Variants in SEMA3A observed in about 807,000 individuals in gnomAD.
The protein encoded by SEMA3A is semaphorin 3A.
SEMA3A carries 29 observed loss-of-function variants against 97.9 expected under a neutral mutation model. That is an observed-to-expected ratio of 0.30 (90% CI 0.22 to 0.40). SEMA3A has a LOEUF of 0.40. SEMA3A is among the 10% of genes least tolerant of loss of function. SEMA3A has a pLI of 1.00. For missense variants in SEMA3A, 763 were observed against 951.3 expected (o/e 0.80, Z 2.60); for synonymous variants, 321 against 323.7 (o/e 0.99, Z 0.09).
chr7:84,438,164 T>A (rs1354284578), intron 1 of SEMA3A, among the ~76,000 whole-genome samples: 2 of 152,084 alleles, frequency 1.3e-5, no homozygotes, highest in African/African-American at 4.8e-5. Flanking sequence ...TCAACAATGA[T>A]GTATTTGCTG....
At chr7:84,437,814 T>A (rs968708007) in intron 1 of SEMA3A, among the ~76,000 whole-genome samples, 1 of 152,042 alleles carries the variant, frequency 6.6e-6, no homozygotes, top group Non-Finnish European at 1.5e-5. Flanking sequence ...TTTGCCATAA[T>A]CAGTAGTATA....
chr7:84,397,672 G>C (rs986057704), intron 1 of SEMA3A, among the ~76,000 whole-genome samples: 1 of 151,762 alleles, frequency 6.6e-6, no homozygotes, highest in Admixed American at 6.6e-5. Context: ...TGTGAATTTT[G>C]CCAACGTAAT....
At chr7:84,171,041 A>G (rs2116203151) in intron 1 of SEMA3A, among the ~76,000 whole-genome samples, 2 of 152,210 alleles carry the variant, frequency 1.3e-5, no homozygotes, top group African/African-American at 4.8e-5. Context: ...CAGAGAGAAA[A>G]GAAGGAAAGA....
intron 2 of SEMA3A, among the ~76,000 whole-genome samples, chr7:84,313,283 G>T (rs1801391665): frequency 7.3e-6 from 1 of 137,896 alleles, no homozygotes; most frequent in African/African-American, 2.7e-5. Flanking sequence ...CTCATGAGAG[G>T]CTGGGAAGAT....
intron 3 of SEMA3A, among the ~76,000 whole-genome samples, chr7:84,125,118 T>C (rs1420180277): frequency 6.6e-6 from 1 of 152,164 alleles, no homozygotes; most frequent in Non-Finnish European, 1.5e-5. Context: ...AAATCTTGAA[T>C]TGATTTAATG....
At chr7:84,410,161 T>C (rs184102802) in intron 1 of SEMA3A, among the ~76,000 whole-genome samples, 2 of 152,252 alleles carry the variant, frequency 1.3e-5, no homozygotes, top group East Asian at 1.9e-4. Flanking sequence ...TTTCATCTTA[T>C]GTTATGTAAC....
intron 1 of SEMA3A, among the ~76,000 whole-genome samples, chr7:84,372,893 A>G (rs921243402): frequency 6.6e-6 from 1 of 152,156 alleles, no homozygotes; most frequent in African/African-American, 2.4e-5. Context: ...TCAAAGGGGA[A>G]CAGCATATTT....
intron 1 of SEMA3A, among the ~76,000 whole-genome samples, chr7:84,193,158 G>A (rs1798103540): frequency 6.6e-6 from 1 of 151,830 alleles, no homozygotes; most frequent in Non-Finnish European, 1.5e-5. Context: ...AAAGTAAATA[G>A]ATATTCTAAT....
rs565335500 is a variant in SEMA3A at position 84,090,788 on chromosome 7, C to T, written c.453+19682G>A. Among the ~76,000 whole-genome samples the T allele has an allele frequency of 1.9e-3, 286 of 151,794 alleles. 2 individuals carry two copies. The Middle Eastern group carries it at 0.037, about 20-fold the overall frequency. On this transcript the variant is annotated intron_variant, in intron 4 of 16. Coordinates refer to ENST00000265362, the MANE Select transcript of SEMA3A (RefSeq NM_006080.3). Reference sequence around the variant, plus strand: ...ACTGTAGAAAATTGTGTAGGTTGGCCGGGCGTGGTGGCTCACGCCTGTAAT... The same window carrying T: ...ACTGTAGAAAATTGTGTAGGTTGGCTGGGCGTGGTGGCTCACGCCTGTAAT...
chr7:83,966,336 A>T (rs539150753), intron 15 of SEMA3A, among the ~76,000 whole-genome samples: 174 of 152,260 alleles, frequency 1.1e-3, no homozygotes, highest in African/African-American at 4.0e-3. Flanking sequence ...TTTTAGTTTA[A>T]TATACTAATA....
chr7:83,972,785 T>C (rs1399371786), intron 15 of SEMA3A, among the ~76,000 whole-genome samples: 3 of 152,172 alleles, frequency 2.0e-5, no homozygotes, highest in African/African-American at 2.4e-5. Context: ...CAATGGAGAA[T>C]AATGATACGC....
chr7:84,056,567 T>G (rs1188708567), intron 5 of SEMA3A, among the ~76,000 whole-genome samples: 1 of 149,918 alleles, frequency 6.7e-6, no homozygotes, highest in Non-Finnish European at 1.5e-5. Flanking sequence ...CCAAAGAAAT[T>G]AGAAACAGAA....
chr7:84,055,156 T>C (rs1049533969), intron 5 of SEMA3A, among the ~76,000 whole-genome samples: 1 of 152,084 alleles, frequency 6.6e-6, no homozygotes, highest in African/African-American at 2.4e-5. Context: ...GCTGTCTTTT[T>C]GTTTGTCTGT....
intron 3 of SEMA3A, among the ~76,000 whole-genome samples, chr7:84,120,182 G>C (rs759890433): frequency 1.8e-4 from 27 of 151,520 alleles, no homozygotes; most frequent in Non-Finnish European, 2.5e-4. Flanking sequence ...ATCTGTATGA[G>C]ACTTGGTTCA....
chr7:84,348,206 C>A (rs1802350221), intron 2 of SEMA3A, among the ~76,000 whole-genome samples: 1 of 151,916 alleles, frequency 6.6e-6, no homozygotes, highest in Admixed American at 6.6e-5. Context: ...ACTCCTAATA[C>A]CTTAATATTA....
chr7:84,008,625 A>G (rs1362659850), intron 9 of SEMA3A, among the ~76,000 whole-genome samples: 1 of 142,484 alleles, frequency 7.0e-6, no homozygotes, highest in Admixed American at 6.8e-5. Flanking sequence ...TATCTTTTAA[A>G]CAAACTTCCC....
At position 83,960,824 on chromosome 7, in the gene SEMA3A, G is replaced by GTTT. The variant is rs35685378; in HGVS notation, c.*544_*546dup. 6 of 143,228 alleles carry GTTT rather than the reference G, an allele frequency of 4.2e-5. No homozygotes were observed. Among genetic ancestry groups the GTTT allele is most frequent in the South Asian group, 2.2e-4 (1 of 4,554 alleles). The allele number at this position is 143,228 out of a possible 1,614,324, so 8.9% of individuals were successfully genotyped here. A position where few individuals can be genotyped will look rare whatever the true frequency, so the allele number is the denominator to read the frequency against. ...TTCTTCTGGATGATGGATGGCTTAT[G>GTTT]TTTTTTTTTTTTTTTAATATTTCCA... On this transcript the variant is annotated 3_prime_UTR_variant, in exon 17 of 17. Coordinates refer to ENST00000265362, the MANE Select transcript of SEMA3A (RefSeq NM_006080.3).
At chr7:84,343,255 T>C (rs1385934820) in intron 2 of SEMA3A, among the ~76,000 whole-genome samples, 1 of 152,184 alleles carries the variant, frequency 6.6e-6, no homozygotes, top group Non-Finnish European at 1.5e-5. Flanking sequence ...AATAGAATTA[T>C]AAATGGTAGT....
At chr7:84,409,403 C>G (rs1239954851) in intron 1 of SEMA3A, among the ~76,000 whole-genome samples, 1 of 151,952 alleles carries the variant, frequency 6.6e-6, no homozygotes, top group Non-Finnish European at 1.5e-5. Flanking sequence ...CCTCTAAAAT[C>G]TGTCATACTG....
Sources: allele counts gnomAD v4.1 joint callset (sites outside exome capture counted in the v4.1 genomes callset), GRCh38; gene constraint gnomAD v4.1.1; transcripts MANE v1.5; gene names NCBI Gene and HGNC (gene_info 2026-07-23, HGNC 2026-07-21).